TENM3: variants seen among roughly 807,000 people sequenced by gnomAD.
The protein encoded by TENM3 is teneurin transmembrane protein 3.
In TENM3, 63 loss-of-function variants were observed where a neutral mutation model predicts 255.1. The ratio of observed to expected loss-of-function variants is 0.25; its 90% CI spans 0.20 to 0.30. The LOEUF (loss-of-function observed/expected upper bound fraction) is 0.30. Ranked by LOEUF, TENM3 falls within the 10% of genes least tolerant of loss-of-function variation. TENM3 has a pLI of 1.00. For missense variants in TENM3, 2,929 were observed against 3,461.1 expected (o/e 0.85, Z 3.86); for synonymous variants, 1,306 against 1,322.3 (o/e 0.99, Z 0.27).
chr4:182,518,834 T>A (rs1037510581), intron 3 of TENM3, among the ~76,000 whole-genome samples: 1 of 152,192 alleles, frequency 6.6e-6, no homozygotes, highest in Non-Finnish European at 1.5e-5. Flanking sequence ...AATAAAAAAT[T>A]AATATAGCTA....
the TENM3 span, among the ~76,000 whole-genome samples, chr4:181,773,990 C>A: frequency 7.0e-6 from 1 of 143,370 alleles, no homozygotes; most frequent in Admixed American, 7.2e-5. Flanking sequence ...ATCAGAGGAC[C>A]TCTGGTGGCT....
chr4:182,068,264 G>C, the TENM3 span, among the ~76,000 whole-genome samples: 2 of 152,062 alleles, frequency 1.3e-5, no homozygotes, highest in South Asian at 4.2e-4. Flanking sequence ...ATCCATATTT[G>C]CGCTTCCCAT....
chr4:181,853,895 C>A, the TENM3 span, among the ~76,000 whole-genome samples: 1 of 152,126 alleles, frequency 6.6e-6, no homozygotes, highest in South Asian at 2.1e-4. Context: ...ATGCTGTAAG[C>A]GTAAGATCTC....
intron 1 of TENM3, among the ~76,000 whole-genome samples, chr4:182,302,548 CTT>C (rs141412808): frequency 6.7e-6 from 1 of 149,336 alleles, no homozygotes; most frequent in African/African-American, 2.5e-5. Context: ...AACTAAATGT[CTT>C]TTTTTTTTAA....
chr4:182,176,263 C>T (rs1048896766), intron 1 of TENM3, among the ~76,000 whole-genome samples: 1 of 152,084 alleles, frequency 6.6e-6, no homozygotes, highest in East Asian at 1.9e-4. Flanking sequence ...TGGTTAAGAG[C>T]GTGGGCTTCA....
the TENM3 span, among the ~76,000 whole-genome samples, chr4:181,827,028 G>A: frequency 6.6e-6 from 1 of 152,156 alleles, no homozygotes; most frequent in Non-Finnish European, 1.5e-5. Flanking sequence ...TTTCCTAGCT[G>A]GGTGACACCA....
chr4:182,791,495 ACATTTACTCATTT>A lies in TENM3; in HGVS notation c.5602-775_5602-763del, dbSNP rs1211747429. On this transcript the variant is annotated intron_variant, in intron 25 of 27. Coordinates refer to ENST00000511685, the MANE Select transcript of TENM3 (RefSeq NM_001080477.4). The stretch of plus-strand genomic sequence containing the variant: ...TCATGAAATAGAGTTCACTTTTAAT[ACATTTACTCATTT>A]CATAATTTAGCACCAAAGCAGTATG... Among the ~76,000 whole-genome samples, 67 of 152,178 alleles carry A rather than the reference ACATTTACTCATTT, an allele frequency of 4.4e-4. 1 individual carries two copies. Among genetic ancestry groups the A allele is most frequent in the Non-Finnish European group, 1.6e-4 (11 of 68,028 alleles).
At chr4:181,495,555 A>ATG in the TENM3 span, among the ~76,000 whole-genome samples, 3 of 28,880 alleles carry the variant, frequency 1.0e-4, no homozygotes, top group African/African-American at 2.1e-4. Flanking sequence ...TTTAGTATAC[A>ATG]CGAGAGAGAG....
intron 3 of TENM3, among the ~76,000 whole-genome samples, chr4:182,470,739 A>T (rs1362428362): frequency 6.6e-6 from 1 of 152,168 alleles, no homozygotes; most frequent in African/African-American, 2.4e-5. Context: ...AAACTTCACC[A>T]TGGGAATGTG....
chr4:182,275,371 C>T (rs17072947), intron 1 of TENM3, among the ~76,000 whole-genome samples: 10,495 of 152,192 alleles, frequency 0.069, 564 homozygotes, highest in African/African-American at 0.14. Flanking sequence ...TTATTCTTCA[C>T]GTTGTTCCTG....
the TENM3 span, among the ~76,000 whole-genome samples, chr4:181,953,350 T>C: frequency 6.6e-6 from 1 of 151,964 alleles, no homozygotes. Flanking sequence ...CTTCAACACA[T>C]AGGAAGGATA....
the TENM3 span, among the ~76,000 whole-genome samples, chr4:181,470,120 A>C: frequency 4.7e-5 from 1 of 21,316 alleles, no homozygotes; most frequent in African/African-American, 9.1e-5. Flanking sequence ...AAAAAAAAAA[A>C]AAAAACATTA....
the TENM3 span, among the ~76,000 whole-genome samples, chr4:182,011,933 T>C: frequency 1.4e-3 from 210 of 152,290 alleles, no homozygotes; most frequent in African/African-American, 4.8e-3. Context: ...AACCAGTGTG[T>C]TATGGGGAAT....
rs898597753 is a variant in TENM3, at chr4:182,416,565, A to G, written c.511+69636A>G. Reference sequence around the variant, plus strand: ...TTGATTCACTACATTTTTTTAAGGTATTTATGAGATTTTACTCCAGAGTTC... The same window carrying G: ...TTGATTCACTACATTTTTTTAAGGTGTTTATGAGATTTTACTCCAGAGTTC... On this transcript the variant is annotated intron_variant, in intron 3 of 27. Coordinates refer to ENST00000511685, the MANE Select transcript of TENM3 (RefSeq NM_001080477.4). Among the ~76,000 whole-genome samples the G allele has an allele frequency of 2.6e-5, 4 of 152,164 alleles. No homozygotes were observed. In the South Asian group the frequency reaches 8.3e-4, roughly 32 times the overall value.
the TENM3 span, among the ~76,000 whole-genome samples, chr4:182,134,711 T>C: frequency 1.3e-5 from 2 of 152,192 alleles, no homozygotes; most frequent in Non-Finnish European, 2.9e-5. Context: ...GCCTGGCTTC[T>C]TATGTTTTTC....
At chr4:181,930,019 A>C in the TENM3 span, among the ~76,000 whole-genome samples, 3 of 152,196 alleles carry the variant, frequency 2.0e-5, no homozygotes, top group Non-Finnish European at 4.4e-5. Context: ...AACAGAGCTA[A>C]AGCAGTGTTT....
the TENM3 span, among the ~76,000 whole-genome samples, chr4:181,573,061 A>G: frequency 6.6e-6 from 1 of 152,232 alleles, no homozygotes; most frequent in Non-Finnish European, 1.5e-5. Flanking sequence ...ATGTTGTTGC[A>G]GATGACAGGT....
chr4:181,815,421 C>G, the TENM3 span, among the ~76,000 whole-genome samples: 8 of 142,588 alleles, frequency 5.6e-5, no homozygotes, highest in African/African-American at 2.1e-4. Context: ...CGAGATCATG[C>G]CAGTGCACTC....
chr4:181,875,528 A>T, the TENM3 span, among the ~76,000 whole-genome samples: 5 of 152,080 alleles, frequency 3.3e-5, no homozygotes, highest in Non-Finnish European at 7.4e-5. Flanking sequence ...TGAGAAATAA[A>T]CTGCACAACA....
Sources: allele counts gnomAD v4.1 joint callset (sites outside exome capture counted in the v4.1 genomes callset), GRCh38; gene constraint gnomAD v4.1.1; transcripts MANE v1.5; gene names NCBI Gene and HGNC (gene_info 2026-07-23, HGNC 2026-07-21).